The following RIPOR3 variants were observed in gnomAD, a reference collection of about 807,000 sequenced individuals.
The protein encoded by RIPOR3 is RIPOR family member 3.
RIPOR3 carries 95 observed loss-of-function variants against 114.3 expected under a neutral mutation model. The observed-to-expected ratio is 0.83, with a 90% CI of 0.70 to 0.99. The LOEUF is 0.99. Ranked by LOEUF, RIPOR3 falls within the 50% of genes least tolerant of loss-of-function variation. RIPOR3 has a pLI of 0.00. For missense variants in RIPOR3, 1,252 were observed against 1,266.9 expected, an observed-to-expected ratio of 0.99 and a Z score of 0.18; for synonymous variants, 575 against 543.8, an observed-to-expected ratio of 1.06 and a Z score of -0.80.
chr20:50,590,770 C>T (rs2083082513), intron 19 of RIPOR3, among the ~76,000 whole-genome samples: 2 of 151,822 alleles, frequency 1.3e-5, no homozygotes, highest in Admixed American at 1.3e-4. Flanking sequence ...GCCCCCACCT[C>T]AGTGTTTCCT....
At chr20:50,636,205 CCA>C (rs1405366356) in intron 1 of RIPOR3, among the ~76,000 whole-genome samples, 3 of 152,198 alleles carry the variant, frequency 2.0e-5, no homozygotes, top group African/African-American at 7.2e-5. Context: ...AGGCTGAGAC[CCA>C]CAATCTCAGG....
At chr20:50,656,497 A>C (rs1354952673) in intron 1 of RIPOR3, among the ~76,000 whole-genome samples, 1 of 152,120 alleles carries the variant, frequency 6.6e-6, no homozygotes, top group Admixed American at 6.6e-5. Flanking sequence ...CTTCTTTTTC[A>C]TAAAACAGTA....
rs74175509 is a variant in RIPOR3, at chr20:50,615,108, A to AGAGTGTGTGTGT, written c.348+893_348+894insACACACACACTC. Among the ~76,000 whole-genome samples, 7 of 138,514 alleles carry AGAGTGTGTGTGT rather than the reference A, an allele frequency of 5.1e-5. No individual in the cohort carries two copies. The East Asian group carries it at 1.1e-3, about 22-fold the overall frequency. The allele number at this position is 138,514 out of a possible 152,430, so 90.9% of individuals were successfully genotyped here. On this transcript the variant is annotated intron_variant, in intron 4 of 21. Coordinates refer to ENST00000327979, the MANE Select transcript of RIPOR3 (RefSeq NM_001290268.2). ...AATTTAATGGGGCATGCTATTTGTG[A>AGAGTGTGTGTGT]GTGTGTGTGTGTGTGTGTGTGTGTG...
chr20:50,630,956 G>GTCCGCAGGCCAGC, intron 1 of RIPOR3, 100 bp from the exon 2 acceptor site: 1 of 906,196 alleles, frequency 1.1e-6, no homozygotes. Context: ...CCTCACAATG[G>GTCCGCAGGCCAGC]CCCCAGAGTG....
intron 2 of RIPOR3, chr20:50,620,990 G>T: frequency 1.9e-6 from 1 of 527,668 alleles, no homozygotes; most frequent in Non-Finnish European, 3.7e-6. Context: ...GGAAAGGGTG[G>T]GGACACACAT....
chr20:50,684,270 C>T (rs2086946126), intron 1 of RIPOR3, among the ~76,000 whole-genome samples: 1 of 152,082 alleles, frequency 6.6e-6, no homozygotes, highest in African/African-American at 2.4e-5. Context: ...AGGATGGCCT[C>T]GCTGCAAAGG....
At chr20:50,659,416 G>A (rs2085922876) in intron 1 of RIPOR3, among the ~76,000 whole-genome samples, 1 of 152,206 alleles carries the variant, frequency 6.6e-6, no homozygotes, top group East Asian at 1.9e-4. Flanking sequence ...GGAGGCTGAA[G>A]GGGGTGGATC....
rs2083547604 is a variant in RIPOR3, at chr20:50,602,655, G to A, written c.1087-11C>T. 1 of 1,448,434 alleles carries A rather than the reference G, an allele frequency of 6.9e-7. No homozygotes were observed. The highest frequency in any genetic ancestry group is 2.5e-5 in the Admixed American group (1 of 39,986). The allele number at this position is 1,448,434 out of a possible 1,614,324, so 89.7% of individuals were successfully genotyped here. A position where few individuals can be genotyped will look rare whatever the true frequency, so the allele number is the denominator to read the frequency against. ...CTGCTGTAGGACAGACTGGAGAGGG[G>A]ACACGGGAGCGGCCTCACCAGCCAC... On this transcript the variant is annotated splice_polypyrimidine_tract_variant and intron_variant, in intron 12 of 21. Coordinates refer to ENST00000327979, the MANE Select transcript of RIPOR3 (RefSeq NM_001290268.2). The surrounding 1 kb of genome is among the most constrained non-coding windows in gnomAD (Gnocchi z 4.3).
intron 11 of RIPOR3, 98 bp from the exon 12 acceptor site, chr20:50,604,872 T>C: frequency 1.4e-6 from 2 of 1,427,708 alleles, no homozygotes; most frequent in Non-Finnish European, 1.9e-6. Flanking sequence ...AGGTAGATGG[T>C]CTTCATCTTA....
Position 50,586,875 on chromosome 20 carries a change from C to T in RIPOR3, c.*357G>A, listed in dbSNP as rs1463147781. On this transcript the variant is annotated 3_prime_UTR_variant, in exon 22 of 22. Coordinates refer to ENST00000327979, the MANE Select transcript of RIPOR3 (RefSeq NM_001290268.2). Reference sequence around the variant, plus strand: ...GGAGTTCTACACACTTGCCTTGGAGCCTTTTATTTAGGGCCTCAACTTGCC... The same window carrying T: ...GGAGTTCTACACACTTGCCTTGGAGTCTTTTATTTAGGGCCTCAACTTGCC... The T allele has an allele frequency of 1.4e-5, 3 of 221,630 alleles. No individual in the cohort carries two copies. Among genetic ancestry groups the T allele is most frequent in the Middle Eastern group, 1.7e-3 (1 of 584 alleles). 13.7% of individuals were successfully genotyped at this position (221,630 alleles called of 1,614,324 possible).
chr20:50,620,831 AG>A, intron 2 of RIPOR3: 1 of 972,514 alleles, frequency 1.0e-6, no homozygotes, highest in African/African-American at 1.6e-5. Context: ...GAGCAAGCCC[AG>A]GCACAGCCGC....
At chr20:50,631,526 C>T (rs148419647) in intron 1 of RIPOR3, among the ~76,000 whole-genome samples, 5 of 152,268 alleles carry the variant, frequency 3.3e-5, no homozygotes, top group Non-Finnish European at 5.9e-5. Context: ...TCAGAGAGGC[C>T]GGCAGGGCTC....
At chr20:50,608,862 CA>C in intron 9 of RIPOR3, 49 bp downstream of exon 9, 1 of 1,605,428 alleles carries the variant, frequency 6.2e-7, no homozygotes, top group Non-Finnish European at 8.5e-7. Flanking sequence ...TCCCGTCCCC[CA>C]AAGACCTGGC....
At chr20:50,643,592 A>C (rs913074515) in intron 1 of RIPOR3, among the ~76,000 whole-genome samples, 7 of 151,978 alleles carry the variant, frequency 4.6e-5, no homozygotes, top group African/African-American at 1.4e-4. Flanking sequence ...GTCTTGGGTC[A>C]TGGTCACTCA....
chr20:50,641,625 C>T (rs1388254388), intron 1 of RIPOR3, among the ~76,000 whole-genome samples: 1 of 152,208 alleles, frequency 6.6e-6, no homozygotes, highest in Non-Finnish European at 1.5e-5. Flanking sequence ...TGCCCTTGAC[C>T]CCTTCCAGCC....
chr20:50,682,668 T>C (rs1264252086), intron 1 of RIPOR3, among the ~76,000 whole-genome samples: 2 of 117,892 alleles, frequency 1.7e-5, no homozygotes, highest in Non-Finnish European at 3.9e-5. Flanking sequence ...TATCTTTACG[T>C]AAAGTTCAAA....
intron 1 of RIPOR3, among the ~76,000 whole-genome samples, chr20:50,642,460 T>C (rs1393820356): frequency 6.6e-6 from 1 of 151,944 alleles, no homozygotes; most frequent in African/African-American, 2.4e-5. Flanking sequence ...TTCTGTGTTT[T>C]ACAATTTGGA....
Position 50,586,975 on chromosome 20 carries a change from C to A in RIPOR3, c.*257G>T. The A allele has an allele frequency of 2.3e-6, 1 of 440,884 alleles. No individual in the cohort carries two copies. The highest frequency in any genetic ancestry group is 4.1e-6 in the Non-Finnish European group (1 of 242,848). The allele number at this position is 440,884 out of a possible 1,614,324, so 27.3% of individuals were successfully genotyped here. ...TCTCGGGGAAGGTCACACAGACCCT[C>A]AGCCAGAAGTTGAGCGCTCTGTTGA... is the stretch of plus-strand genomic sequence containing the variant. On this transcript the variant is annotated 3_prime_UTR_variant, in exon 22 of 22. Transcript: ENST00000327979.
At chr20:50,667,157 G>A (rs573552614) in intron 1 of RIPOR3, among the ~76,000 whole-genome samples, 186 of 151,916 alleles carry the variant, frequency 1.2e-3, no homozygotes, top group Middle Eastern at 3.2e-3. Flanking sequence ...ACCATCAGCC[G>A]GCAAAGTTAA....
Sources: gnomAD v4.1 joint callset for allele counts (sites outside exome capture counted in the v4.1 genomes callset) on GRCh38, gnomAD v4.1.1 for gene constraint, Gnocchi (gnomAD v3.1) non-coding constraint, MANE v1.5 for transcripts, NCBI Gene and HGNC (gene_info 2026-07-23, HGNC 2026-07-21) for gene names.